The following PPP1R16B variants were observed in gnomAD, a reference collection of about 807,000 sequenced individuals.
The protein encoded by PPP1R16B is protein phosphatase 1 regulatory inhibitor subunit 16B.
PPP1R16B carries 14 observed loss-of-function variants against 61.7 expected under a neutral mutation model. That is an observed-to-expected ratio of 0.23 (90% confidence interval 0.15 to 0.35). The LOEUF is 0.35. Among genes scored for constraint, PPP1R16B ranks in the 10% least tolerant of loss-of-function variants. PPP1R16B has a pLI of 1.00. For missense variants in PPP1R16B, 547 were observed against 752.5 expected (o/e 0.73, Z 3.19); for synonymous variants, 266 against 305.3 (o/e 0.87, Z 1.34).
chr20:38,812,204 G>T (rs2084705296), intron 1 of PPP1R16B, among the ~76,000 whole-genome samples: 2 of 152,164 alleles, frequency 1.3e-5, no homozygotes, highest in Admixed American at 6.5e-5. Flanking sequence ...TATCTGAATT[G>T]TTCCTGCCAT....
chr20:38,809,950 A>C (rs2084687772), intron 1 of PPP1R16B, among the ~76,000 whole-genome samples: 1 of 133,816 alleles, frequency 7.5e-6, no homozygotes, highest in Non-Finnish European at 1.5e-5. Context: ...GCACCTCTGC[A>C]CTCTAGCCTG....
chr20:38,883,372 C>G (rs952553272), intron 2 of PPP1R16B, among the ~76,000 whole-genome samples: 4 of 152,272 alleles, frequency 2.6e-5, no homozygotes, highest in African/African-American at 9.6e-5. Flanking sequence ...GGTGATGTCT[C>G]CCTGCAAAGG....
chr20:38,884,239 C>T (rs1568673343), intron 2 of PPP1R16B, among the ~76,000 whole-genome samples: 2 of 152,192 alleles, frequency 1.3e-5, no homozygotes, highest in African/African-American at 2.4e-5. Context: ...CTGCACACTG[C>T]GTAATTCCAG....
At chr20:38,900,445 T>G (rs1432074313) in intron 4 of PPP1R16B, 136 bp from the exon 5 acceptor site, 5 of 609,436 alleles carry the variant, frequency 8.2e-6, no homozygotes, top group Non-Finnish European at 1.4e-5. Flanking sequence ...AGCATCATCT[T>G]GCTGGGGTAC....
At position 38,905,988 on chromosome 20, in the gene PPP1R16B, A is replaced by T. The variant is rs754961247; in HGVS notation, c.716A>T (p.Asn239Ile). 1 of 1,613,346 alleles carries T rather than the reference A, an allele frequency of 6.2e-7. No individual in the cohort carries two copies. The highest frequency in any genetic ancestry group is 1.1e-5 in the South Asian group (1 of 91,058). The change falls in exon 7 of 11, where the codon AAT (asparagine) becomes ATT (isoleucine). Residue 239 changes from asparagine to isoleucine, a missense_variant. Asn to Ile is a moderately radical substitution (Grantham distance 149). Transcript: ENST00000299824. The stretch of plus-strand genomic sequence containing the variant: ...CTCCAGCTGCACATAGCTGGAGCCA[A>T]TGGATACCTGCGGGCAGCTGAGCTC... Reference protein sequence around the residue: ...GATLLHIAGANGYLRAAELLL... With the variant: ...GATLLHIAGAIGYLRAAELLL...
chr20:38,862,968 A>G (rs560637937), intron 2 of PPP1R16B, among the ~76,000 whole-genome samples: 11 of 152,296 alleles, frequency 7.2e-5, no homozygotes, highest in African/African-American at 2.4e-4. Context: ...CCTGGTCTAT[A>G]TGAAGGAGTG....
intron 10 of PPP1R16B, among the ~76,000 whole-genome samples, chr20:38,917,169 G>A (rs975525788): frequency 2.5e-4 from 38 of 152,026 alleles, no homozygotes; most frequent in African/African-American, 9.2e-4. Flanking sequence ...GGTGGTACGT[G>A]CCTGTAATCC....
intron 10 of PPP1R16B, among the ~76,000 whole-genome samples, chr20:38,914,368 C>G (rs560777173): frequency 6.6e-6 from 1 of 152,108 alleles, no homozygotes; most frequent in African/African-American, 2.4e-5. Flanking sequence ...CAGCCATTCC[C>G]CAGAACACAA....
At chr20:38,837,063 C>G (rs2084877210) in intron 2 of PPP1R16B, among the ~76,000 whole-genome samples, 1 of 152,232 alleles carries the variant, frequency 6.6e-6, no homozygotes, top group African/African-American at 2.4e-5. Flanking sequence ...CCATGCCTGG[C>G]ACCCTCTGAA....
chr20:38,834,082 C>T (rs1436818131), intron 1 of PPP1R16B, among the ~76,000 whole-genome samples: 3 of 152,250 alleles, frequency 2.0e-5, no homozygotes, highest in African/African-American at 7.2e-5. Context: ...GGTTCACAAA[C>T]ATGCTGCATT....
At chr20:38,912,999 A>G (rs2085504619) in intron 10 of PPP1R16B, among the ~76,000 whole-genome samples, 1 of 152,134 alleles carries the variant, frequency 6.6e-6, no homozygotes. Context: ...CCTCCTGATT[A>G]GCTGGGACTA....
intron 2 of PPP1R16B, among the ~76,000 whole-genome samples, chr20:38,882,093 G>A (rs2085207257): frequency 6.6e-6 from 1 of 152,234 alleles, no homozygotes; most frequent in African/African-American, 2.4e-5. Context: ...ACTGGATTAT[G>A]AGGACTAATT....
Position 38,889,895 on chromosome 20 carries a change from G to A in PPP1R16B, c.321+230G>A, listed in dbSNP as rs189182411. 1.1e-4 allele frequency among the ~76,000 whole-genome samples: 16 copies of A among 152,344 alleles called. No homozygotes were observed. The East Asian group carries it at 1.2e-3, about 11-fold the overall frequency. ...GCCCGCAGACGCGACTGCACATGCA[G>A]GCTCTAAGGACAGGGAGCCTTTGTT... is the stretch of plus-strand genomic sequence containing the variant. On this transcript the variant is annotated intron_variant, in intron 3 of 10. Transcript: ENST00000299824.
At chr20:38,843,924 T>C (rs547074601) in intron 2 of PPP1R16B, among the ~76,000 whole-genome samples, 62 of 152,326 alleles carry the variant, frequency 4.1e-4, no homozygotes, top group Admixed American at 7.2e-4. Context: ...GAAAATCTTA[T>C]GTAGTTGGAA....
chr20:38,876,983 G>C (rs543331850), intron 2 of PPP1R16B, among the ~76,000 whole-genome samples: 1 of 152,186 alleles, frequency 6.6e-6, no homozygotes. Flanking sequence ...CTTTCCAGTT[G>C]AGATTCCATT....
intron 2 of PPP1R16B, among the ~76,000 whole-genome samples, chr20:38,857,361 TA>T (rs1460351573): frequency 2.0e-5 from 3 of 152,186 alleles, no homozygotes; most frequent in East Asian, 1.9e-4. Context: ...ATTTTTTAAT[TA>T]AAAAAATTAT....
At chr20:38,904,846 C>G (rs1365239525) in intron 6 of PPP1R16B, among the ~76,000 whole-genome samples, 1 of 152,196 alleles carries the variant, frequency 6.6e-6, no homozygotes, top group Non-Finnish European at 1.5e-5. Context: ...GCCTTGGACT[C>G]TCACTTCTAT....
intron 3 of PPP1R16B, among the ~76,000 whole-genome samples, chr20:38,891,689 T>C (rs1346542530): frequency 6.6e-6 from 1 of 151,682 alleles, no homozygotes; most frequent in African/African-American, 2.4e-5. Context: ...TAATCCCAGC[T>C]ACTAGGGAGG....
intron 10 of PPP1R16B, among the ~76,000 whole-genome samples, chr20:38,912,937 T>G (rs938009069): frequency 1.3e-5 from 2 of 152,212 alleles, no homozygotes; most frequent in Admixed American, 6.5e-5. Context: ...TGGCGCAAAC[T>G]TCGTTCACTA....
Sources: allele counts gnomAD v4.1 joint callset (sites outside exome capture counted in the v4.1 genomes callset), GRCh38; gene constraint gnomAD v4.1.1; transcripts MANE v1.5; gene names NCBI Gene and HGNC (gene_info 2026-07-23, HGNC 2026-07-21).